Variants in DAB2IP observed in about 807,000 individuals in gnomAD.
The protein encoded by DAB2IP is DAB2 interacting protein.
Under a neutral mutation model 107.2 loss-of-function variants are expected in DAB2IP, and 28 were observed. The ratio of observed to expected loss-of-function variants is 0.26; its 90% confidence interval spans 0.19 to 0.36. The LOEUF is 0.36. Among genes scored for constraint, DAB2IP ranks in the 10% least tolerant of loss-of-function variants. The pLI, the probability that DAB2IP is intolerant of heterozygous loss-of-function variation, is 1.00. For missense variants in DAB2IP, 1,400 were observed against 1,644.7 expected, an observed-to-expected ratio of 0.85 and a Z score of 2.57; for synonymous variants, 755 against 706.4, an observed-to-expected ratio of 1.07 and a Z score of -1.09.
intron 1 of DAB2IP, chr9:121,576,297 A>C (rs1016034583): frequency 4.6e-5 from 7 of 152,280 alleles, no homozygotes; most frequent in African/African-American, 1.7e-4. Context: ...TCTCCAAGCC[A>C]CACCCCACTT....
intron 9 of DAB2IP, 32 bp from the exon 10 acceptor site, chr9:121,768,400 C>T (rs1321196305): frequency 6.2e-6 from 10 of 1,613,116 alleles, no homozygotes; most frequent in Non-Finnish European, 8.5e-6. Context: ...TGCCTGGGCC[C>T]AGTAGTGCTC....
Position 121,776,430 on chromosome 9 carries a change from G to T in DAB2IP, c.3314+39G>T. 2.0e-6 allele frequency: 3 copies of T among 1,475,510 alleles called. No homozygotes were observed. The highest frequency in any genetic ancestry group is 2.7e-6 in the Non-Finnish European group (3 of 1,113,944). The allele number at this position is 1,475,510 out of a possible 1,614,324, so 91.4% of individuals were successfully genotyped here. On this transcript the variant is annotated intron_variant, in intron 14 of 15. Transcript: ENST00000408936. The surrounding 1 kb of genome is among the most constrained non-coding windows in gnomAD (Gnocchi z 5.4). ...CTGCCTGGCCTGGCCACAGGCACAG[G>T]CAGGGCAGCCATCGCTGCCTTCGAG...
chr9:121,742,487 A>G (rs1484215700), intron 3 of DAB2IP, among the ~76,000 whole-genome samples: 2 of 152,208 alleles, frequency 1.3e-5, no homozygotes, highest in African/African-American at 2.4e-5. Flanking sequence ...CAGGTGCCAG[A>G]ATGGCCCACG....
intron 1 of DAB2IP, chr9:121,575,285 G>A (rs1187531324): frequency 1.3e-5 from 2 of 154,384 alleles, no homozygotes; most frequent in African/African-American, 2.4e-5. Flanking sequence ...TCAGAGCCTC[G>A]GAGGGATGGG....
In DAB2IP at chr9:121,736,835, G is replaced by C. The variant is rs1027009376; in HGVS notation, c.363-20178G>C. 1.3e-5 allele frequency among the ~76,000 whole-genome samples: 2 copies of C among 152,224 alleles called. No homozygotes were observed. Among genetic ancestry groups the C allele is most frequent in the Non-Finnish European group, 2.9e-5 (2 of 68,042 alleles). ...GGTTCGAGGTGTGCTGGGCTTACCGGGGCGTGCAGGTCCCTGTTCTCGTGG... is the reference window on the plus strand; with the variant it reads ...GGTTCGAGGTGTGCTGGGCTTACCGCGGCGTGCAGGTCCCTGTTCTCGTGG... On this transcript the variant is annotated intron_variant, in intron 3 of 15. Transcript: ENST00000408936. This position sits in a 1 kb window ranked among gnomAD's most constrained non-coding sequence, Gnocchi z 4.6.
At chr9:121,757,026 C>T (rs1461468344) in exon 4 of DAB2IP, 1 of 1,614,030 alleles carries the variant, frequency 6.2e-7, no homozygotes. Flanking sequence ...CCATCTGATG[C>T]CGAGGCTGAA....
intron 1 of DAB2IP, among the ~76,000 whole-genome samples, chr9:121,636,483 G>C (rs1244894790): frequency 6.6e-6 from 1 of 152,182 alleles, no homozygotes; most frequent in Non-Finnish European, 1.5e-5. Flanking sequence ...GAGGAGAGGC[G>C]GGAGGCCTGG....
At chr9:121,763,815 G>A (rs145965964) in exon 8 of DAB2IP, 2 of 1,614,142 alleles carry the variant, frequency 1.2e-6, no homozygotes, top group South Asian at 1.1e-5. Flanking sequence ...TGACCTCCCA[G>A]AGCACCAGGG....
chr9:121,591,387 T>C (rs1206319492), intron 1 of DAB2IP, among the ~76,000 whole-genome samples: 1 of 152,202 alleles, frequency 6.6e-6, no homozygotes, highest in Non-Finnish European at 1.5e-5. Flanking sequence ...AAGAATCGCT[T>C]GAAGCCAGGA....
At position 121,583,646 on chromosome 9, in the gene DAB2IP, T is replaced by TG. The variant is rs1275934310; in HGVS notation, c.40+16425dup. Among the ~76,000 whole-genome samples the TG allele has an allele frequency of 8.2e-5, 4 of 48,984 alleles. No homozygotes were observed. In the East Asian group the frequency reaches 1.7e-3, roughly 21 times the overall value. The allele number at this position is 48,984 out of a possible 152,430, so 32.1% of individuals were successfully genotyped here. On this transcript the variant is annotated intron_variant, in intron 1 of 16. Transcript: ENST00000259371. The stretch of plus-strand genomic sequence containing the variant: ...TTAGCCAACAAGGCGGGGCAGCTGT[T>TG]GGGGGGGATGGGTGGGGGGTCCCAG...
intron 1 of DAB2IP, among the ~76,000 whole-genome samples, chr9:121,604,757 G>A (rs1006524150): frequency 6.6e-6 from 1 of 152,126 alleles, no homozygotes; most frequent in South Asian, 2.1e-4. Context: ...CCTGTCCCCC[G>A]TGATGGGCTC....
intron 1 of DAB2IP, among the ~76,000 whole-genome samples, chr9:121,667,363 C>T (rs889745829): frequency 6.6e-6 from 1 of 151,956 alleles, no homozygotes; most frequent in African/African-American, 2.4e-5. Flanking sequence ...GCTTCCTGCT[C>T]AGTTCACCTG....
At chr9:121,637,697 C>T (rs1286610050) in intron 1 of DAB2IP, among the ~76,000 whole-genome samples, 1 of 152,164 alleles carries the variant, frequency 6.6e-6, no homozygotes, top group East Asian at 1.9e-4. Flanking sequence ...CGAATTGCAG[C>T]CAAGCTTTAG....
intron 5 of DAB2IP, 72 bp from the exon 6 acceptor site, chr9:121,759,813 C>T: frequency 7.0e-7 from 1 of 1,419,236 alleles, no homozygotes; most frequent in Non-Finnish European, 9.6e-7. Context: ...AGGACTCTCT[C>T]AGGCTCTGGG....
intron 3 of DAB2IP, among the ~76,000 whole-genome samples, chr9:121,710,249 C>G (rs901696124): frequency 2.0e-5 from 3 of 152,198 alleles, no homozygotes; most frequent in Non-Finnish European, 4.4e-5. Context: ...CCAGGTCTTT[C>G]TAGAATGTTT....
At chr9:121,631,813 T>TAAAAA (rs752400251) in intron 1 of DAB2IP, among the ~76,000 whole-genome samples, 5 of 58,896 alleles carry the variant, frequency 8.5e-5, no homozygotes, top group African/African-American at 7.1e-5. Context: ...AGACTCCGTC[T>TAAAAA]AAAAAAAAAA....
chr9:121,643,179 T>C (rs1482173480), intron 1 of DAB2IP, among the ~76,000 whole-genome samples: 2 of 151,956 alleles, frequency 1.3e-5, no homozygotes, highest in African/African-American at 4.8e-5. Context: ...ATGCTGGGAG[T>C]GGGGCCCTGG....
chr9:121,781,454 C>T lies in DAB2IP; in HGVS notation c.3315-10C>T. 1 of 1,613,934 alleles carries T rather than the reference C, an allele frequency of 6.2e-7. No homozygotes were observed. The highest frequency in any genetic ancestry group is 8.5e-7 in the Non-Finnish European group (1 of 1,179,916). On this transcript the variant is annotated splice_polypyrimidine_tract_variant and intron_variant, in intron 14 of 15. Transcript: ENST00000408936. ...AGGGCCAGTCTGACTGTCTCTGTCT[C>T]TGGCTATAGGTTGATGTCCGTGGAG...
At chr9:121,654,389 C>A (rs1301651958) in intron 1 of DAB2IP, among the ~76,000 whole-genome samples, 1 of 152,036 alleles carries the variant, frequency 6.6e-6, no homozygotes, top group Non-Finnish European at 1.5e-5. Flanking sequence ...CCCAGGAGTT[C>A]AAGACCAGCC....
Sources: gnomAD v4.1 joint callset for allele counts (sites outside exome capture counted in the v4.1 genomes callset) on GRCh38, gnomAD v4.1.1 for gene constraint, Gnocchi (gnomAD v3.1) non-coding constraint, MANE v1.5 for transcripts, NCBI Gene and HGNC (gene_info 2026-07-23, HGNC 2026-07-21) for gene names.